FHIP1B: variants seen among roughly 807,000 people sequenced by gnomAD.
FHIP1B encodes FHF complex subunit HOOK interacting protein 1B.
In FHIP1B, 28 loss-of-function variants were observed where a neutral mutation model predicts 82.2. The observed-to-expected ratio is 0.34, with a 90% CI of 0.25 to 0.47. FHIP1B has a LOEUF of 0.47. Ranked by LOEUF, FHIP1B falls within the 20% of genes least tolerant of loss-of-function variation. FHIP1B has a pLI of 1.00. For missense variants in FHIP1B, 1,110 were observed against 1,262.6 expected (o/e 0.88, Z 1.83); for synonymous variants, 585 against 516.1 (o/e 1.13, Z -1.81).
At chr11:6,219,084 T>C (rs750570094) in intron 6 of FHIP1B, 34 bp from the exon 7 acceptor site, 45 of 1,538,720 alleles carry the variant, frequency 2.9e-5, no homozygotes, top group South Asian at 9.2e-5. Flanking sequence ...GGAGTCACCA[T>C]AAGAGCTCTC....
rs752256903 is a variant in FHIP1B, at chr11:6,228,507, G to A, written c.-191-3800C>T. Among the ~76,000 whole-genome samples, 80 of 152,118 alleles carry A rather than the reference G, an allele frequency of 5.3e-4. 4 individuals carry two copies. The highest frequency in any genetic ancestry group is 2.5e-4 in the Non-Finnish European group (17 of 68,016). ...ACAAGTTATAAATAAATAAGATAGA[G>A]ATAAATGGCATTAAAATCGGGTATA... On this transcript the variant is annotated intron_variant, in intron 1 of 11. Coordinates refer to ENST00000449352, the MANE Select transcript of FHIP1B (RefSeq NM_001098794.2).
chr11:6,223,293 CTG>C lies in FHIP1B; in HGVS notation c.778-57_778-56del. ...AAAATACATTTATAAAATATAAAAA[CTG>C]GAACAGGGGAGCTAGTAATCCAGAG... On this transcript the variant is annotated intron_variant, in intron 3 of 11. Coordinates refer to ENST00000449352, the MANE Select transcript of FHIP1B (RefSeq NM_001098794.2). The surrounding 1 kb of genome is among the most constrained non-coding windows in gnomAD (Gnocchi z 4.8). 1 of 1,531,906 alleles carries C rather than the reference CTG, an allele frequency of 6.5e-7. No individual in the cohort carries two copies. The highest frequency in any genetic ancestry group is 8.8e-7 in the Non-Finnish European group (1 of 1,138,426). 94.9% of individuals were successfully genotyped at this position (1,531,906 alleles called of 1,614,324 possible).
chr11:6,225,574 T>A (rs1367425098), intron 1 of FHIP1B, among the ~76,000 whole-genome samples: 2 of 152,214 alleles, frequency 1.3e-5, no homozygotes, highest in Non-Finnish European at 2.9e-5. Flanking sequence ...GTCTGTTGTA[T>A]CCCCAGGGCC....
At position 6,217,626 on chromosome 11, in the gene FHIP1B, T is replaced by C. The variant is rs77795471; in HGVS notation, c.1960A>G (p.Lys654Glu). The change falls in exon 9 of 12, where the codon AAG (lysine) becomes GAG (glutamate). Residue 654 changes from lysine (K) to glutamate (E), a missense_variant. Lys to Glu is a moderately conservative substitution (Grantham distance 56). Around this residue, in one of 6 missense-constraint regions of FHIP1B, gnomAD observed 418 missense variants for 371.4 expected, o/e 1.13. Transcript: ENST00000449352. ...TCTAGCAGTTCCCCAGCTCCCTCCT[T>C]TGGCACCAGACGAACCTTCTTGGCC... ...EGAKKVRLVP[K>E]EGAGELLEGI... 3 of 1,613,776 alleles carry C rather than the reference T, an allele frequency of 1.9e-6. No homozygotes were observed. The highest frequency in any genetic ancestry group is 3.3e-5 in the Admixed American group (2 of 59,966).
rs781556644 is a variant in FHIP1B at position 6,217,709 on chromosome 11, C to T, written c.1877G>A (p.Gly626Asp). ...CTGGGGAGGGGGCAGGTGACCAGGG[C>T]CCTCCCCTGCACCCCCAGCCCGCCC... Reference protein sequence around the residue: ...RRGRAGGAGEGPGHLPPPQLN... With the variant: ...RRGRAGGAGEDPGHLPPPQLN... Residue 626 changes from glycine to aspartate, a missense_variant, in exon 9 of 12, where the codon GGC (glycine) becomes GAC (aspartate). Physicochemically the swap from Gly to Asp is moderately conservative, Grantham distance 94. Coordinates refer to ENST00000449352, the MANE Select transcript of FHIP1B (RefSeq NM_001098794.2). 26 of 1,611,914 alleles carry T rather than the reference C, an allele frequency of 1.6e-5. 1 individual carries two copies. In the Middle Eastern group the frequency reaches 3.3e-3, roughly 205 times the overall value.
At chr11:6,222,326 T>C in intron 6 of FHIP1B, 116 bp downstream of exon 6, 8 of 1,168,730 alleles carry the variant, frequency 6.8e-6, no homozygotes, top group Non-Finnish European at 9.9e-6. Flanking sequence ...CCACTTAATT[T>C]TGAGGTGACT....
intron 1 of FHIP1B, among the ~76,000 whole-genome samples, chr11:6,233,390 C>A (rs1002716076): frequency 1.3e-5 from 2 of 152,142 alleles, no homozygotes; most frequent in Non-Finnish European, 2.9e-5. Context: ...AACCAACTTT[C>A]CAGAATTTCA....
chr11:6,211,554 C>G lies in FHIP1B; in HGVS notation c.2871G>C (p.Glu957Asp), dbSNP rs771892412. 8 of 1,613,564 alleles carry G rather than the reference C, an allele frequency of 5.0e-6. No homozygotes were observed. The East Asian group carries it at 1.6e-4, about 31-fold the overall frequency. ...VTSPFLLETS[E>D]EGSGPLISGC... ...CTGAGATGAGAGGGCCAGATCCTTC[C>G]TCTGAAGTCTCCAACAAGAAAGGCG... The change falls in exon 12 of 12, where the codon GAG (glutamate) becomes GAC (aspartate). Residue 957 changes from glutamate to aspartate, a missense_variant. Transcript: ENST00000449352.
intron 1 of FHIP1B, among the ~76,000 whole-genome samples, chr11:6,227,743 A>T (rs943873055): frequency 6.6e-6 from 1 of 152,216 alleles, no homozygotes; most frequent in African/African-American, 2.4e-5. Flanking sequence ...GAAAGGAGGT[A>T]AGGGTAAAAT....
rs1222729206 is a variant in FHIP1B, at chr11:6,211,832, G to C, written c.2593C>G (p.Leu865Val). 1 of 1,593,972 alleles carries C rather than the reference G, an allele frequency of 6.3e-7. No homozygotes were observed. The highest frequency in any genetic ancestry group is 1.8e-5 in the Admixed American group (1 of 55,874). The change falls in exon 12 of 12, where the codon CTG becomes GTG. Residue 865 changes from leucine (L) to valine (V), a missense_variant. Physicochemically the swap from Leu to Val is conservative, Grantham distance 32 (BLOSUM62 1). Transcript: ENST00000449352. The part of the protein sequence containing the change: ...SRRPSLGELL[L>V]RHAHSPTRAR... ...CTGGTTGGACTGTGTGCATGCCGCA[G>C]GAGTAACTCCCCCAAGGATGGCCTC...
At chr11:6,230,234 T>G (rs944265255) in intron 1 of FHIP1B, among the ~76,000 whole-genome samples, 1 of 152,024 alleles carries the variant, frequency 6.6e-6, no homozygotes, top group Non-Finnish European at 1.5e-5. Flanking sequence ...AGGAGGGAGC[T>G]GGGGGAAGGG....
At chr11:6,222,372 C>T in intron 6 of FHIP1B, 70 bp downstream of exon 6, 6 of 1,549,768 alleles carry the variant, frequency 3.9e-6, no homozygotes, top group Non-Finnish European at 5.3e-6. Flanking sequence ...CAGGAATACC[C>T]TCCCAGAACA....
chr11:6,221,147 T>C (rs1339555907), intron 6 of FHIP1B, among the ~76,000 whole-genome samples: 1 of 152,216 alleles, frequency 6.6e-6, no homozygotes, highest in Non-Finnish European at 1.5e-5. Context: ...TTAGAAACAC[T>C]GGTTTAATCA....
chr11:6,214,472 G>C lies in FHIP1B; in HGVS notation c.2496C>G (p.Gly832=). 1.2e-6 allele frequency: 2 copies of C among 1,614,104 alleles called. No homozygotes were observed. The highest frequency in any genetic ancestry group is 1.7e-6 in the Non-Finnish European group (2 of 1,180,008). ...SKAKKYLIAR[G]KLDWAEGPAA... ...CAGGGCCCTCAGCCCAGTCCAACTT[G>C]CCACGGGCAATGAGGTACTTCTTGG... The change falls in exon 11 of 12, where the codon GGC becomes GGG. Residue 832 remains glycine, a synonymous_variant. Transcript: ENST00000449352.
intron 1 of FHIP1B, among the ~76,000 whole-genome samples, chr11:6,233,279 T>C (rs923440199): frequency 6.6e-6 from 1 of 152,214 alleles, no homozygotes; most frequent in African/African-American, 2.4e-5. Flanking sequence ...GACTTAACTC[T>C]TTCTGAGTCT....
At chr11:6,215,518 C>A (rs553679469) in intron 9 of FHIP1B, among the ~76,000 whole-genome samples, 5 of 152,068 alleles carry the variant, frequency 3.3e-5, no homozygotes, top group Non-Finnish European at 5.9e-5. Context: ...GATGGTGTTG[C>A]AAAGACAAAG....
At position 6,217,501 on chromosome 11, in the gene FHIP1B, G is replaced by C; in HGVS notation, c.2085C>G (p.Pro695=). ...CCTCAAGGGGCAGTGGAGGTTCTAAGGGGGACTCTGAGCCAGTTCCCCCAT... is the reference window on the plus strand; with the variant it reads ...CCTCAAGGGGCAGTGGAGGTTCTAACGGGGACTCTGAGCCAGTTCCCCCAT... ...LSNGGTGSES[P]LEPPLPLEEE... is the part of the protein sequence containing the mutation. Residue 695 remains proline (P), a synonymous_variant, in exon 9 of 12, where the codon CCC becomes CCG. Coordinates refer to ENST00000449352, the MANE Select transcript of FHIP1B (RefSeq NM_001098794.2). 1.1e-5 allele frequency: 18 copies of C among 1,612,878 alleles called. No individual in the cohort carries two copies. Among genetic ancestry groups the C allele is most frequent in the Non-Finnish European group, 1.4e-5 (17 of 1,179,252 alleles).
intron 9 of FHIP1B, among the ~76,000 whole-genome samples, chr11:6,216,008 T>A (rs1387442078): frequency 2.0e-5 from 3 of 152,200 alleles, no homozygotes; most frequent in African/African-American, 4.8e-5. Context: ...CCTGTTCCTT[T>A]CATTTCCTGG....
chr11:6,222,173 G>A (rs1451014588), intron 6 of FHIP1B, among the ~76,000 whole-genome samples: 1 of 152,166 alleles, frequency 6.6e-6, no homozygotes, highest in African/African-American at 2.4e-5. Flanking sequence ...ACACTGCACA[G>A]TAGCAAAACC....
Sources: gnomAD v4.1 joint callset for allele counts (sites outside exome capture counted in the v4.1 genomes callset) on GRCh38, gnomAD v4.1.1 for gene constraint, gnomAD v4.1.1 regional missense constraint, Gnocchi (gnomAD v3.1) non-coding constraint, MANE v1.5 for transcripts, NCBI Gene and HGNC (gene_info 2026-07-23, HGNC 2026-07-21) for gene names.